HS3ST3A1: variants seen among roughly 807,000 people sequenced by gnomAD.
The protein encoded by HS3ST3A1 is heparan sulfate glucosamine 3-O-sulfotransferase 3A1.
Under a neutral mutation model 25.7 loss-of-function variants are expected in HS3ST3A1, and 19 were observed. The observed-to-expected ratio is 0.74, with a 90% CI of 0.52 to 1.08. The LOEUF (loss-of-function observed/expected upper bound fraction) is 1.08, where lower values mean the gene tolerates loss of function less well. Among genes scored for constraint, HS3ST3A1 ranks in the 50% least tolerant of loss-of-function variants. The pLI, the probability that HS3ST3A1 is intolerant of heterozygous loss-of-function variation, is 0.00. For missense variants in HS3ST3A1, 459 were observed against 594.3 expected (o/e 0.77, Z 2.37); for synonymous variants, 226 against 278.6 (o/e 0.81, Z 1.88).
chr17:13,508,111 C>A (rs534257822), intron 1 of HS3ST3A1, among the ~76,000 whole-genome samples: 1 of 152,282 alleles, frequency 6.6e-6, no homozygotes, highest in East Asian at 1.9e-4. Flanking sequence ...ACCAAATCAT[C>A]ATCAAGATAA....
intron 1 of HS3ST3A1, among the ~76,000 whole-genome samples, chr17:13,556,933 T>C (rs538537514): frequency 6.6e-6 from 1 of 151,294 alleles, no homozygotes; most frequent in East Asian, 1.9e-4. Context: ...TTGCACATAC[T>C]TGCACCCAGC....
At chr17:13,563,436 C>A (rs1275496166) in intron 1 of HS3ST3A1, among the ~76,000 whole-genome samples, 2 of 152,108 alleles carry the variant, frequency 1.3e-5, no homozygotes, top group Non-Finnish European at 2.9e-5. Context: ...AGGACCTATG[C>A]CAGCTGGGGC....
intron 1 of HS3ST3A1, among the ~76,000 whole-genome samples, chr17:13,547,943 C>CAAAA (rs1567620537): frequency 1.2e-5 from 1 of 83,846 alleles, no homozygotes; most frequent in African/African-American, 6.1e-5. Flanking sequence ...TTGGTGTGAG[C>CAAAA]CAAAAAAAAA....
At chr17:13,569,226 C>T (rs1907744681) in intron 1 of HS3ST3A1, among the ~76,000 whole-genome samples, 1 of 152,154 alleles carries the variant, frequency 6.6e-6, no homozygotes, top group Non-Finnish European at 1.5e-5. Context: ...CACTTACTGC[C>T]CTGGCAGGAT....
At position 13,601,161 on chromosome 17, in the gene HS3ST3A1, G is replaced by A. The variant is rs1299970215; in HGVS notation, c.-32C>T. On this transcript the variant is annotated 5_prime_UTR_variant, in exon 1 of 2. Transcript: ENST00000284110. Reference sequence around the variant, plus strand: ...CGGAGGCGACGTCGGGCAACGCGCCGGCCATGCTAGGCCTGGACCCCGACA... The same window carrying A: ...CGGAGGCGACGTCGGGCAACGCGCCAGCCATGCTAGGCCTGGACCCCGACA... The A allele has an allele frequency of 6.9e-7, 1 of 1,448,642 alleles. No individual in the cohort carries two copies. Among genetic ancestry groups the A allele is most frequent in the Non-Finnish European group, 9.1e-7 (1 of 1,094,796 alleles). The allele number at this position is 1,448,642 out of a possible 1,614,324, so 89.7% of individuals were successfully genotyped here.
chr17:13,497,234 G>A (rs76066760), intron 1 of HS3ST3A1, among the ~76,000 whole-genome samples: 1 of 152,094 alleles, frequency 6.6e-6, no homozygotes, highest in Non-Finnish European at 1.5e-5. Context: ...AATATCCTGA[G>A]CCCTTCCTGT....
chr17:13,557,690 T>C (rs1008234806), intron 1 of HS3ST3A1, among the ~76,000 whole-genome samples: 2 of 152,192 alleles, frequency 1.3e-5, no homozygotes, highest in Non-Finnish European at 2.9e-5. Flanking sequence ...TTAAGTATCA[T>C]TGTGGAGGCC....
chr17:13,521,270 A>G (rs1268973270), intron 1 of HS3ST3A1, among the ~76,000 whole-genome samples: 1 of 152,222 alleles, frequency 6.6e-6, no homozygotes, highest in African/African-American at 2.4e-5. Context: ...TCCCTGCCCC[A>G]GTAGGCAGGA....
At chr17:13,549,971 G>C in intron 1 of HS3ST3A1, among the ~76,000 whole-genome samples, 1 of 152,138 alleles carries the variant, frequency 6.6e-6, no homozygotes, top group Admixed American at 6.5e-5. Context: ...TCTATGGAAA[G>C]AAGGTTCCAT....
intron 1 of HS3ST3A1, among the ~76,000 whole-genome samples, chr17:13,568,809 T>G (rs1421544980): frequency 6.6e-6 from 1 of 152,198 alleles, no homozygotes. Flanking sequence ...GTTTTTCTTT[T>G]GCCAAAGATA....
intron 1 of HS3ST3A1, among the ~76,000 whole-genome samples, chr17:13,524,446 T>C (rs1056940566): frequency 1.3e-5 from 2 of 152,092 alleles, no homozygotes; most frequent in Admixed American, 6.6e-5. Flanking sequence ...TTTGTAGATA[T>C]GGGGTATCAC....
chr17:13,499,708 A>G (rs534612119), intron 1 of HS3ST3A1, among the ~76,000 whole-genome samples: 7 of 152,174 alleles, frequency 4.6e-5, no homozygotes, highest in Non-Finnish European at 8.8e-5. Context: ...CACTAAAACA[A>G]GGAACCATAT....
chr17:13,599,026 G>A (rs552453287), intron 1 of HS3ST3A1, among the ~76,000 whole-genome samples: 1 of 150,186 alleles, frequency 6.7e-6, no homozygotes, highest in African/African-American at 2.5e-5. Flanking sequence ...AGTTTTAGGG[G>A]TCTTTAATCA....
chr17:13,522,853 G>GAGACACACAC lies in HS3ST3A1; in HGVS notation c.600-26036_600-26035insGTGTGTGTCT, dbSNP rs1555538069. The stretch of plus-strand genomic sequence containing the variant: ...CACACACACCACACACACACAGAGA[G>GAGACACACAC]ACACACACACACACACACACACACA... On this transcript the variant is annotated intron_variant, in intron 1 of 1. Transcript: ENST00000284110. 5.5e-3 allele frequency among the ~76,000 whole-genome samples: 810 copies of GAGACACACAC among 148,442 alleles called. 3 individuals carry two copies. Among genetic ancestry groups the GAGACACACAC allele is most frequent in the Non-Finnish European group, 6.7e-3 (453 of 67,118 alleles).
intron 1 of HS3ST3A1, among the ~76,000 whole-genome samples, chr17:13,569,043 T>C (rs1488957255): frequency 6.6e-6 from 1 of 152,186 alleles, no homozygotes; most frequent in African/African-American, 2.4e-5. Context: ...GGCAGGGTTT[T>C]CTAATCTATG....
chr17:13,520,298 C>A (rs58411819), intron 1 of HS3ST3A1, among the ~76,000 whole-genome samples: 1 of 152,114 alleles, frequency 6.6e-6, no homozygotes, highest in Admixed American at 6.5e-5. Flanking sequence ...AGCAGTGATG[C>A]GAAACAAAAT....
intron 1 of HS3ST3A1, among the ~76,000 whole-genome samples, chr17:13,501,222 G>A (rs113831801): frequency 4.9e-4 from 74 of 152,160 alleles, no homozygotes; most frequent in African/African-American, 1.7e-3. Context: ...CTACTGAACC[G>A]AACAACGGTT....
At chr17:13,563,017 C>T (rs1907587886) in intron 1 of HS3ST3A1, among the ~76,000 whole-genome samples, 1 of 150,768 alleles carries the variant, frequency 6.6e-6, no homozygotes, top group Non-Finnish European at 1.5e-5. Context: ...GTAAAGGGGC[C>T]CTAAACAAGA....
At chr17:13,552,370 C>A (rs181218892) in intron 1 of HS3ST3A1, among the ~76,000 whole-genome samples, 1 of 152,182 alleles carries the variant, frequency 6.6e-6, no homozygotes, top group African/African-American at 2.4e-5. Context: ...CGTGAGCCAC[C>A]GCACCTGGCC....
Sources: allele counts gnomAD v4.1 joint callset (sites outside exome capture counted in the v4.1 genomes callset), GRCh38; gene constraint gnomAD v4.1.1; transcripts MANE v1.5; gene names NCBI Gene and HGNC (gene_info 2026-07-23, HGNC 2026-07-21).